TANC2: variants seen among roughly 807,000 people sequenced by gnomAD.
The protein encoded by TANC2 is protein TANC2.
Under a neutral mutation model 210.5 loss-of-function variants are expected in TANC2, and 26 were observed. The ratio of observed to expected loss-of-function variants is 0.12; its 90% CI spans 0.09 to 0.17. The LOEUF is 0.17. Among genes scored for constraint, TANC2 ranks in the 10% least tolerant of loss-of-function variants. TANC2 has a pLI of 1.00. For synonymous variants in TANC2, 931 were observed against 967.1 expected (o/e 0.96, Z 0.69); for missense variants, 2,129 against 2,608.9 (o/e 0.82, Z 4.01).
chr17:63,058,779 A>G (rs2035895269), intron 2 of TANC2, among the ~76,000 whole-genome samples: 1 of 151,906 alleles, frequency 6.6e-6, no homozygotes, highest in South Asian at 2.1e-4. Context: ...CTATTGGTCT[A>G]TGTGTCTGTT....
At chr17:63,009,725 T>A in intron 2 of TANC2, 99 bp downstream of exon 2, 1 of 1,000,324 alleles carries the variant, frequency 1.0e-6, no homozygotes, top group Non-Finnish European at 1.5e-6. Flanking sequence ...AATGCTTAAC[T>A]TAGAACTTAA....
In TANC2 at chr17:63,418,192, C is replaced by T; in HGVS notation, c.4168-115C>T. The T allele has an allele frequency of 1.9e-6, 2 of 1,065,208 alleles. No homozygotes were observed. Among genetic ancestry groups the T allele is most frequent in the Non-Finnish European group, 2.7e-6 (2 of 730,946 alleles). 66.0% of individuals were successfully genotyped at this position (1,065,208 alleles called of 1,614,324 possible). ...GAGCCATGTCAGGCACGTCTAGCGTCCCAGGCGTTCCATCCATGAATGTCA... is the reference window on the plus strand; with the variant it reads ...GAGCCATGTCAGGCACGTCTAGCGTTCCAGGCGTTCCATCCATGAATGTCA... On this transcript the variant is annotated intron_variant, in intron 26 of 27. Transcript: ENST00000689528. This position sits in a 1 kb window ranked among gnomAD's most constrained non-coding sequence, Gnocchi z 4.6.
At chr17:63,243,817 C>T (rs1485454295) in intron 8 of TANC2, among the ~76,000 whole-genome samples, 1 of 152,138 alleles carries the variant, frequency 6.6e-6, no homozygotes, top group African/African-American at 2.4e-5. Context: ...CTTTATTTCT[C>T]AACATAAGTT....
At chr17:63,178,961 T>G (rs917497706) in intron 5 of TANC2, among the ~76,000 whole-genome samples, 5 of 152,176 alleles carry the variant, frequency 3.3e-5, no homozygotes, top group Non-Finnish European at 7.4e-5. Context: ...AGAAGGTACT[T>G]TTTTCAAATG....
chr17:63,334,412 A>T, intron 11 of TANC2, among the ~76,000 whole-genome samples: 1 of 152,200 alleles, frequency 6.6e-6, no homozygotes, highest in Non-Finnish European at 1.5e-5. Context: ...TATAGTATTG[A>T]ATTATAACCA....
intron 14 of TANC2, among the ~76,000 whole-genome samples, chr17:63,370,340 G>A (rs996664064): frequency 7.9e-5 from 12 of 151,762 alleles, no homozygotes; most frequent in African/African-American, 2.7e-4. Flanking sequence ...CACCACTCCC[G>A]GCTAATTTTT....
At chr17:62,989,742 A>G (rs2032757902) in intron 1 of TANC2, among the ~76,000 whole-genome samples, 1 of 151,798 alleles carries the variant, frequency 6.6e-6, no homozygotes. Flanking sequence ...CATTCCTGCA[A>G]AGCTCATAGA....
At chr17:63,288,861 A>G (rs951797768) in intron 9 of TANC2, among the ~76,000 whole-genome samples, 1 of 152,046 alleles carries the variant, frequency 6.6e-6, no homozygotes, top group Non-Finnish European at 1.5e-5. Context: ...TTTTCTTAAC[A>G]TTTCTTGCAA....
In TANC2 at chr17:63,421,267, T is replaced by C. The variant is rs1300406778; in HGVS notation, c.5537T>C (p.Ile1846Thr). 6.2e-7 allele frequency: 1 copy of C among 1,613,900 alleles called. No homozygotes were observed. The highest frequency in any genetic ancestry group is 1.1e-5 in the South Asian group (1 of 91,070). Reference sequence around the variant, plus strand: ...CCTATCAGTGTCAACCCTAACGAAATCAAACCGCACCCGCCAACTCCCAGG... The same window carrying C: ...CCTATCAGTGTCAACCCTAACGAAACCAAACCGCACCCGCCAACTCCCAGG... The change falls in exon 28 of 28, where the codon ATC (isoleucine) becomes ACC (threonine). Residue 1846 changes from isoleucine to threonine, a missense_variant. By Grantham distance (89) the Ile-to-Thr change is moderately conservative. Transcript: ENST00000689528. This position sits in a 1 kb window ranked among gnomAD's most constrained non-coding sequence, Gnocchi z 6.9.
At chr17:62,969,149 A>G (rs2031539478) in intron 1 of TANC2, among the ~76,000 whole-genome samples, 1 of 152,170 alleles carries the variant, frequency 6.6e-6, no homozygotes, top group Non-Finnish European at 1.5e-5. Context: ...CAGCTGTACT[A>G]GTAGTAACAG....
chr17:63,082,359 A>G (rs1395855703), intron 3 of TANC2, among the ~76,000 whole-genome samples: 1 of 152,200 alleles, frequency 6.6e-6, no homozygotes, highest in African/African-American at 2.4e-5. Flanking sequence ...GAAAATTATT[A>G]TAGAGTTGAT....
chr17:63,340,456 C>T, intron 12 of TANC2, 124 bp downstream of exon 12: 1 of 764,720 alleles, frequency 1.3e-6, no homozygotes, highest in Non-Finnish European at 2.0e-6. Context: ...GCTGGATATC[C>T]TGTAGGATAC....
At chr17:63,176,075 A>G (rs1194063139) in intron 5 of TANC2, among the ~76,000 whole-genome samples, 1 of 152,230 alleles carries the variant, frequency 6.6e-6, no homozygotes, top group African/African-American at 2.4e-5. Flanking sequence ...AATATGGAGG[A>G]ACAGGAACTC....
chr17:63,130,541 A>T (rs929950581), intron 4 of TANC2, among the ~76,000 whole-genome samples: 2 of 151,910 alleles, frequency 1.3e-5, no homozygotes, highest in Non-Finnish European at 2.9e-5. Context: ...TTAAAAACCA[A>T]TTTACTATCT....
intron 2 of TANC2, among the ~76,000 whole-genome samples, chr17:63,032,856 A>G (rs1197786877): frequency 2.0e-5 from 3 of 152,130 alleles, no homozygotes; most frequent in Admixed American, 1.3e-4. Flanking sequence ...GTTGAGGACT[A>G]GTCCCACAAG....
chr17:63,229,594 A>T (rs1446748199), intron 7 of TANC2, among the ~76,000 whole-genome samples: 1 of 145,608 alleles, frequency 6.9e-6, no homozygotes, highest in African/African-American at 2.5e-5. Context: ...ATTTATTACT[A>T]TAGGCTATTT....
At chr17:63,303,161 TCA>T (rs1354074990) in intron 9 of TANC2, among the ~76,000 whole-genome samples, 2 of 152,340 alleles carry the variant, frequency 1.3e-5, no homozygotes, top group Non-Finnish European at 2.9e-5. Context: ...TCTTGTTATC[TCA>T]CACACTAGTT....
intron 2 of TANC2, among the ~76,000 whole-genome samples, chr17:63,045,135 T>C (rs1331990608): frequency 6.6e-6 from 1 of 152,226 alleles, no homozygotes; most frequent in African/African-American, 2.4e-5. Flanking sequence ...TCTTGAATAG[T>C]TTTAGTGAGA....
At chr17:63,375,566 ATTCAGAAG>A (rs1271879299) in intron 14 of TANC2, among the ~76,000 whole-genome samples, 1 of 152,236 alleles carries the variant, frequency 6.6e-6, no homozygotes, top group East Asian at 1.9e-4. Flanking sequence ...AGAGACTTAT[ATTCAGAAG>A]TTCTAGTCAC....
Sources: allele counts gnomAD v4.1 joint callset (sites outside exome capture counted in the v4.1 genomes callset), GRCh38; gene constraint gnomAD v4.1.1; non-coding constraint Gnocchi (gnomAD v3.1); transcripts MANE v1.5; gene names NCBI Gene and HGNC (gene_info 2026-07-23, HGNC 2026-07-21).